Variants in DCC observed in about 807,000 individuals in gnomAD.
DCC encodes DCC netrin 1 receptor, also known as netrin receptor DCC.
Under a neutral mutation model 172.5 loss-of-function variants are expected in DCC, and 58 were observed. The ratio of observed to expected loss-of-function variants is 0.34; its 90% CI spans 0.27 to 0.42. The LOEUF is 0.42. DCC is among the 10% of genes least tolerant of loss of function. The pLI, the probability that DCC is intolerant of heterozygous loss-of-function variation, is 1.00. For synonymous variants in DCC, 709 were observed against 644.5 expected, an observed-to-expected ratio of 1.10 and a Z score of -1.52; for missense variants, 1,740 against 1,791.0, an observed-to-expected ratio of 0.97 and a Z score of 0.51.
At chr18:52,662,662 G>A (rs1411818392) in intron 1 of DCC, among the ~76,000 whole-genome samples, 10 of 151,678 alleles carry the variant, frequency 6.6e-5, no homozygotes, top group Non-Finnish European at 4.4e-5. Flanking sequence ...GGGATGGAAG[G>A]AAGGAGGGAG....
At chr18:53,010,134 A>G (rs1302352719) in intron 5 of DCC, among the ~76,000 whole-genome samples, 1 of 151,918 alleles carries the variant, frequency 6.6e-6, no homozygotes, top group Non-Finnish European at 1.5e-5. Flanking sequence ...TTCATCCCCA[A>G]GCTTATTTCA....
At position 53,189,033 on chromosome 18, in the gene DCC, A is replaced by G. The variant is rs182221836; in HGVS notation, c.1573+9917A>G. Among the ~76,000 whole-genome samples, 468 of 152,260 alleles carry G rather than the reference A, an allele frequency of 3.1e-3. 3 individuals carry two copies. The highest frequency in any genetic ancestry group is 5.1e-3 in the Non-Finnish European group (349 of 68,022). On this transcript the variant is annotated intron_variant, in intron 9 of 28. Coordinates refer to ENST00000442544, the MANE Select transcript of DCC (RefSeq NM_005215.4). ...GTTCTGGGTGTACATGAATTTTTGG[A>G]GTACTATTCAACCCGATATACTGCC... is the stretch of plus-strand genomic sequence containing the variant.
chr18:53,357,769 G>T (rs973511043), intron 15 of DCC, among the ~76,000 whole-genome samples: 3 of 152,162 alleles, frequency 2.0e-5, no homozygotes, highest in African/African-American at 7.2e-5. Flanking sequence ...ATCTTACTGA[G>T]AGCATTTATG....
At chr18:53,480,975 C>T (rs1301245829) in intron 25 of DCC, 2 of 152,140 alleles carry the variant, frequency 1.3e-5, no homozygotes, top group East Asian at 1.9e-4. Flanking sequence ...TCTAGTTTCT[C>T]GCTACATGGG....
chr18:53,450,585 C>G lies in DCC; in HGVS notation c.3315C>G (p.Thr1105=). 1 of 1,611,638 alleles carries G rather than the reference C, an allele frequency of 6.2e-7. No individual in the cohort carries two copies. The highest frequency in any genetic ancestry group is 8.5e-7 in the Non-Finnish European group (1 of 1,179,006). The change falls in exon 23 of 29, where the codon ACC becomes ACG. Residue 1105 remains threonine (T), a synonymous_variant. Transcript: ENST00000442544. ...ACCTGCTTGTGATCATTGTGGTCAC[C>G]GTTGGTGTCATCACAGTGCTGGTAG... The part of the protein sequence containing the change: ...NSNLLVIIVV[T]VGVITVLVVV...
chr18:52,602,526 T>TA (rs2034038126), intron 1 of DCC, among the ~76,000 whole-genome samples: 4 of 151,916 alleles, frequency 2.6e-5, no homozygotes, highest in Non-Finnish European at 5.9e-5. Context: ...ATTCTACCCG[T>TA]CAAAAATAAC....
intron 1 of DCC, among the ~76,000 whole-genome samples, chr18:52,371,923 G>A (rs1267985017): frequency 6.6e-6 from 1 of 152,198 alleles, no homozygotes; most frequent in Non-Finnish European, 1.5e-5. Context: ...AGACCAGGCT[G>A]AAGAAGAAGG....
At chr18:53,099,206 G>T (rs1045302966) in intron 7 of DCC, among the ~76,000 whole-genome samples, 1 of 151,920 alleles carries the variant, frequency 6.6e-6, no homozygotes, top group Non-Finnish European at 1.5e-5. Flanking sequence ...GTATTGGTTT[G>T]TCTCCTGAAA....
chr18:52,678,080 G>A (rs919938444), intron 1 of DCC, among the ~76,000 whole-genome samples: 2 of 152,142 alleles, frequency 1.3e-5, no homozygotes, highest in African/African-American at 4.8e-5. Context: ...GAGACACCAT[G>A]TCAAGCCTTG....
At chr18:53,431,475 TTGTTGTTG>T (rs1911610429) in intron 21 of DCC, among the ~76,000 whole-genome samples, 1 of 56,740 alleles carries the variant, frequency 1.8e-5, no homozygotes, top group African/African-American at 3.4e-5. Flanking sequence ...TTGTTTTTTG[TTGTTGTTG>T]TTGTTGTTGT....
intron 1 of DCC, among the ~76,000 whole-genome samples, chr18:52,593,382 A>T (rs760416296): frequency 7.1e-4 from 108 of 152,346 alleles, no homozygotes; most frequent in Non-Finnish European, 1.3e-3. Context: ...TCCAAAATAC[A>T]TATCATTCAT....
chr18:53,239,996 T>C (rs923269688), intron 12 of DCC, among the ~76,000 whole-genome samples: 2 of 131,724 alleles, frequency 1.5e-5, no homozygotes, highest in African/African-American at 6.0e-5. Context: ...TAAAAAAACA[T>C]TTAGACATTC....
intron 15 of DCC, among the ~76,000 whole-genome samples, chr18:53,355,598 C>T (rs12327403): frequency 0.016 from 2,502 of 152,130 alleles, 34 homozygotes; most frequent in Middle Eastern, 0.034. Context: ...TAAGAATGCT[C>T]GCGATTTTTG....
chr18:53,041,286 CT>C lies in DCC; in HGVS notation c.986-22017del, dbSNP rs1219436778. Reference sequence around the variant, plus strand: ...TAAATAGGGGATCATTTCCCCATTGCTTGTTTTTGTCAGATTTGTCAAAGAT... The same window carrying C: ...TAAATAGGGGATCATTTCCCCATTGCTGTTTTTGTCAGATTTGTCAAAGAT... On this transcript the variant is annotated intron_variant, in intron 5 of 28. Transcript: ENST00000442544. 4.6e-5 allele frequency among the ~76,000 whole-genome samples: 7 copies of C among 152,086 alleles called. No homozygotes were observed. The East Asian group carries it at 1.2e-3, about 25-fold the overall frequency.
chr18:52,839,813 A>C (rs1374051579), intron 2 of DCC, among the ~76,000 whole-genome samples: 1 of 152,202 alleles, frequency 6.6e-6, no homozygotes, highest in African/African-American at 2.4e-5. Context: ...TAGACATGGA[A>C]AATAAAATAG....
chr18:53,077,084 A>ATTT (rs34629572), intron 7 of DCC, among the ~76,000 whole-genome samples: 2 of 151,252 alleles, frequency 1.3e-5, no homozygotes, highest in Admixed American at 6.6e-5. Flanking sequence ...GGATTCAAAG[A>ATTT]TTTTTTTTTA....
chr18:52,632,050 C>T (rs2034687553), intron 1 of DCC, among the ~76,000 whole-genome samples: 1 of 152,184 alleles, frequency 6.6e-6, no homozygotes, highest in Non-Finnish European at 1.5e-5. Flanking sequence ...GACTCCCATT[C>T]ATCTTTCTGA....
chr18:52,946,120 CA>C (rs60251662), intron 5 of DCC, among the ~76,000 whole-genome samples: 9,178 of 152,148 alleles, frequency 0.06, 364 homozygotes, highest in South Asian at 0.15. Context: ...TTTTTCTCTC[CA>C]GGTAGGTTTA....
intron 1 of DCC, among the ~76,000 whole-genome samples, chr18:52,642,575 G>C (rs374655260): frequency 1.3e-5 from 2 of 151,788 alleles, no homozygotes; most frequent in East Asian, 3.9e-4. Context: ...GTACAAATAT[G>C]GCACTCAGGA....
Sources: allele counts gnomAD v4.1 joint callset (sites outside exome capture counted in the v4.1 genomes callset), GRCh38; gene constraint gnomAD v4.1.1; transcripts MANE v1.5; gene names NCBI Gene and HGNC (gene_info 2026-07-23, HGNC 2026-07-21).